The following CPT1A variants were observed in gnomAD, a reference collection of about 807,000 sequenced individuals.
The protein encoded by CPT1A is carnitine O-palmitoyltransferase 1, liver isoform.
In CPT1A, 64 loss-of-function variants were observed where a neutral mutation model predicts 100.8. That is an observed-to-expected ratio of 0.63 (90% CI 0.52 to 0.78). The LOEUF (loss-of-function observed/expected upper bound fraction) is 0.78, where lower values mean the gene tolerates loss of function less well. Ranked by LOEUF, CPT1A falls within the 30% of genes least tolerant of loss-of-function variation. The pLI is 0.00. For missense variants in CPT1A, 802 were observed against 1,034.1 expected (o/e 0.78, Z 3.08); for synonymous variants, 363 against 396.0 (o/e 0.92, Z 0.99).
chr11:68,782,986 A>G (rs1302955339), intron 10 of CPT1A, among the ~76,000 whole-genome samples: 3 of 152,124 alleles, frequency 2.0e-5, no homozygotes, highest in Non-Finnish European at 4.4e-5. Context: ...CAGGCTCCCC[A>G]CGTCTCCTCC....
At chr11:68,820,061 G>A (rs564624063) in intron 1 of CPT1A, among the ~76,000 whole-genome samples, 6 of 151,890 alleles carry the variant, frequency 4.0e-5, no homozygotes, top group South Asian at 2.1e-4. Flanking sequence ...ACAGGGTCTC[G>A]CTGTATTGCC....
chr11:68,842,102 C>G (rs1282750145), upstream of CPT1A, among the ~76,000 whole-genome samples: 1 of 152,028 alleles, frequency 6.6e-6, no homozygotes, highest in Admixed American at 6.5e-5. Context: ...CCTCACCCTC[C>G]GAGCCTCAGT....
chr11:68,758,598 C>G (rs1408996746), intron 18 of CPT1A, among the ~76,000 whole-genome samples: 6 of 151,718 alleles, frequency 4.0e-5, no homozygotes, highest in Admixed American at 6.6e-5. Context: ...ACATGTTAAA[C>G]CAAATTAGAT....
At chr11:68,793,245 A>G in intron 9 of CPT1A, 70 bp downstream of exon 9, 1 of 1,167,254 alleles carries the variant, frequency 8.6e-7, no homozygotes. Context: ...CCCCTTTGAC[A>G]CTTCCTAATT....
At chr11:68,760,394 A>G in intron 16 of CPT1A, 56 bp from the exon 17 acceptor site, 1 of 1,418,568 alleles carries the variant, frequency 7.0e-7, no homozygotes. Flanking sequence ...GTCCCTCAGG[A>G]GTCGCTTTGG....
At chr11:68,789,735 T>A (rs957274338) in intron 9 of CPT1A, among the ~76,000 whole-genome samples, 1 of 152,170 alleles carries the variant, frequency 6.6e-6, no homozygotes, top group Non-Finnish European at 1.5e-5. Flanking sequence ...CCCAGTGATG[T>A]TGAATGCTTT....
rs200836324 is a variant in CPT1A at position 68,804,063 on chromosome 11, C to T, written c.492G>A (p.Leu164=). ...GAGGCAGCGATGTCTGGAAGCTGTA[C>T]AACATGGGTTTTCGGCCTGAAAAGA... The part of the protein sequence containing the change: ...VKIFSGRKPM[L]YSFQTSLPRL... Residue 164 remains leucine (L), a synonymous_variant, in exon 5 of 19, where the codon TTG becomes TTA. Coordinates refer to ENST00000265641, the MANE Select transcript of CPT1A (RefSeq NM_001876.4). 583 of 1,613,958 alleles carry T rather than the reference C, an allele frequency of 3.6e-4. No homozygotes were observed. Among genetic ancestry groups the T allele is most frequent in the Non-Finnish European group, 3.7e-4 (432 of 1,179,942 alleles).
rs201203984 is a variant in CPT1A, at chr11:68,812,593, G to A, written c.142-17C>T. 5.0e-6 allele frequency: 8 copies of A among 1,613,904 alleles called. No individual in the cohort carries two copies. Among genetic ancestry groups the A allele is most frequent in the South Asian group, 3.3e-5 (3 of 91,054 alleles). On this transcript the variant is annotated splice_polypyrimidine_tract_variant and intron_variant, in intron 2 of 18. Coordinates refer to ENST00000265641, the MANE Select transcript of CPT1A (RefSeq NM_001876.4). ...GATGCCGTTCTAAAGACAGACACCC[G>A]GGCCGTGAGCGGTGTCCTCCCACAA...
intron 9 of CPT1A, 146 bp from the exon 10 acceptor site, chr11:68,785,156 G>T: frequency 1.4e-6 from 1 of 724,346 alleles, no homozygotes; most frequent in Non-Finnish European, 2.5e-6. Flanking sequence ...TCCTCAAGAC[G>T]TTTTAAATGA....
chr11:68,818,840 A>C (rs1037880785), intron 1 of CPT1A: 10 of 146,214 alleles, frequency 6.8e-5, no homozygotes, highest in African/African-American at 2.3e-4. Context: ...CCAGGGCGAC[A>C]GAGTGAGACC....
chr11:68,756,774 T>C lies in CPT1A; in HGVS notation c.*870A>G, dbSNP rs976855927. ...CTGTTATTTCTTTTGTTGCTTATGA[T>C]GACAAGAAGGCAGTCCCGGGAGGGG... On this transcript the variant is annotated 3_prime_UTR_variant, in exon 19 of 19. Transcript: ENST00000265641. 6.6e-6 allele frequency: 1 copy of C among 152,160 alleles called. No individual in the cohort carries two copies. The highest frequency in any genetic ancestry group is 1.5e-5 in the Non-Finnish European group (1 of 68,044). 9.4% of individuals were successfully genotyped at this position (152,160 alleles called of 1,614,324 possible).
chr11:68,792,293 C>T (rs761797919), intron 9 of CPT1A, among the ~76,000 whole-genome samples: 5 of 152,014 alleles, frequency 3.3e-5, no homozygotes, highest in South Asian at 2.1e-4. Context: ...GCCGAGATCG[C>T]GCCACTGCAC....
At chr11:68,820,233 C>T (rs1856543559) in intron 1 of CPT1A, among the ~76,000 whole-genome samples, 1 of 152,022 alleles carries the variant, frequency 6.6e-6, no homozygotes, top group Admixed American at 6.5e-5. Context: ...CGTTTCACCA[C>T]CTTGCCCAGA....
chr11:68,829,771 G>A (rs899615387), intron 1 of CPT1A, among the ~76,000 whole-genome samples: 20 of 152,268 alleles, frequency 1.3e-4, no homozygotes, highest in African/African-American at 4.6e-4. Flanking sequence ...CCTCCTTGCT[G>A]TGTGCCCCTG....
Position 68,780,661 on chromosome 11 carries a change from C to T in CPT1A, c.1437G>A (p.Pro479=), listed in dbSNP as rs554525176. Residue 479 remains proline, a synonymous_variant, in exon 12 of 19, where the codon CCG becomes CCA. Transcript: ENST00000265641. ...LNAEHSWADA[P]IVAHLWEYVM... ...TCACCTCCCAAAGGTGGGCCACGAT[C>T]GGCGCATCTGCCCAGGAGTGTTCAG... 50 of 1,614,150 alleles carry T rather than the reference C, an allele frequency of 3.1e-5. No individual in the cohort carries two copies. The highest frequency in any genetic ancestry group is 1.6e-4 in the Middle Eastern group (1 of 6,062).
At chr11:68,760,610 A>G (rs1946787656) in intron 16 of CPT1A, among the ~76,000 whole-genome samples, 1 of 152,234 alleles carries the variant, frequency 6.6e-6, no homozygotes, top group Non-Finnish European at 1.5e-5. Context: ...AGATATATGG[A>G]GTAAGATTCG....
chr11:68,813,828 G>A (rs1010858507), intron 2 of CPT1A, among the ~76,000 whole-genome samples: 6 of 152,066 alleles, frequency 3.9e-5, no homozygotes, highest in Non-Finnish European at 8.8e-5. Flanking sequence ...AGCTCTCGGC[G>A]AGCCGAGCTA....
At chr11:68,788,227 T>C (rs1292313913) in intron 9 of CPT1A, among the ~76,000 whole-genome samples, 1 of 152,096 alleles carries the variant, frequency 6.6e-6, no homozygotes, top group Non-Finnish European at 1.5e-5. Context: ...ATAAAAGTGC[T>C]TAGAAACAGC....
At chr11:68,765,632 C>A (rs1409481609) in intron 14 of CPT1A, among the ~76,000 whole-genome samples, 2 of 152,198 alleles carry the variant, frequency 1.3e-5, no homozygotes, top group Non-Finnish European at 2.9e-5. Flanking sequence ...CTGCTGCAGA[C>A]TAGAATTAAT....
Sources: gnomAD v4.1 joint callset for allele counts (sites outside exome capture counted in the v4.1 genomes callset) on GRCh38, gnomAD v4.1.1 for gene constraint, MANE v1.5 for transcripts, NCBI Gene and HGNC (gene_info 2026-07-23, HGNC 2026-07-21) for gene names.